TMX2: variants seen among roughly 807,000 people sequenced by gnomAD.
The protein encoded by TMX2 is thioredoxin-related transmembrane protein 2.
Under a neutral mutation model 33.4 loss-of-function variants are expected in TMX2, and 20 were observed. The observed-to-expected ratio is 0.60, with a 90% CI of 0.42 to 0.87. The LOEUF (loss-of-function observed/expected upper bound fraction) is 0.87, where lower values mean the gene tolerates loss of function less well. Among genes scored for constraint, TMX2 ranks in the 40% least tolerant of loss-of-function variants. The pLI, the probability that TMX2 is intolerant of heterozygous loss-of-function variation, is 0.00. For missense variants in TMX2, 340 were observed against 370.7 expected, an observed-to-expected ratio of 0.92 and a Z score of 0.68; for synonymous variants, 166 against 140.7, an observed-to-expected ratio of 1.18 and a Z score of -1.27.
At chr11:57,714,479 T>C (rs1946846786) in intron 1 of TMX2, among the ~76,000 whole-genome samples, 1 of 152,204 alleles carries the variant, frequency 6.6e-6, no homozygotes, top group Admixed American at 6.5e-5. Flanking sequence ...TTTTCCTAGA[T>C]TGTAGGTTGT....
chr11:57,721,747 T>C (rs1051808960), intron 1 of TMX2, among the ~76,000 whole-genome samples: 4 of 152,156 alleles, frequency 2.6e-5, no homozygotes, highest in Admixed American at 6.6e-5. Context: ...CCCCAAAATA[T>C]TTACTTTCAA....
At chr11:57,737,767 T>C in intron 2 of TMX2, 99 bp downstream of exon 2, 1 of 1,576,028 alleles carries the variant, frequency 6.3e-7, no homozygotes. Context: ...GGTAAATTTG[T>C]CCTACGTTTA....
chr11:57,726,669 A>C (rs923048990), intron 1 of TMX2, among the ~76,000 whole-genome samples: 4 of 152,172 alleles, frequency 2.6e-5, no homozygotes, highest in African/African-American at 9.7e-5. Flanking sequence ...CCCAAATACC[A>C]GTATATGGTG....
chr11:57,740,673 A>G lies in TMX2; in HGVS notation c.*428A>G. On this transcript the variant is annotated 3_prime_UTR_variant, in exon 8 of 8. Transcript: ENST00000278422. The stretch of plus-strand genomic sequence containing the variant: ...TATAGAACGCTAAGAATTTTCCCCC[A>G]AGGACTCTTGCTTCCTTAAGCCCTT... 6.3e-6 allele frequency: 1 copy of G among 159,022 alleles called. No homozygotes were observed. The highest frequency in any genetic ancestry group is 1.8e-4 in the South Asian group (1 of 5,548). The allele number at this position is 159,022 out of a possible 1,614,324, so 9.9% of individuals were successfully genotyped here.
intron 1 of TMX2, among the ~76,000 whole-genome samples, chr11:57,713,634 T>C (rs1020282229): frequency 2.6e-5 from 4 of 152,136 alleles, no homozygotes; most frequent in African/African-American, 7.2e-5. Flanking sequence ...AAAGGGCACA[T>C]TAATAGGAGA....
At position 57,717,701 on chromosome 11, in the gene TMX2, G is replaced by C. The variant is rs917979315; in HGVS notation, c.189+4894G>C. On this transcript the variant is annotated intron_variant, in intron 1 of 7. Transcript: ENST00000278422. Reference sequence around the variant, plus strand: ...ATCAGAGGGAGACCGTGGAAAGAGAGGGAGAGGGAGACCGAGAGGGAGAGG... The same window carrying C: ...ATCAGAGGGAGACCGTGGAAAGAGACGGAGAGGGAGACCGAGAGGGAGAGG... Among the ~76,000 whole-genome samples the C allele has an allele frequency of 9.4e-5, 10 of 106,028 alleles. No individual in the cohort carries two copies. In the East Asian group the frequency reaches 3.2e-3, roughly 34 times the overall value. 69.6% of individuals were successfully genotyped at this position (106,028 alleles called of 152,430 possible).
Position 57,738,032 on chromosome 11 carries a change from G to C in TMX2, c.364+6G>C. The C allele has an allele frequency of 6.4e-7, 1 of 1,570,804 alleles. No homozygotes were observed. The highest frequency in any genetic ancestry group is 8.6e-7 in the Non-Finnish European group (1 of 1,162,294). ...TTACATCACACTCTGCATAGGTGAG[G>C]AGACTGCCTTTCTTTCTTTTTTTTT... On this transcript the variant is annotated splice_donor_region_variant and intron_variant, in intron 3 of 7. Transcript: ENST00000278422.
At chr11:57,720,599 CGTTA>C (rs1177811797) in intron 1 of TMX2, among the ~76,000 whole-genome samples, 1 of 152,212 alleles carries the variant, frequency 6.6e-6, no homozygotes, top group African/African-American at 2.4e-5. Flanking sequence ...AGTTTCACCA[CGTTA>C]GTTAGGCTGA....
intron 1 of TMX2, among the ~76,000 whole-genome samples, chr11:57,717,718 AGGGAGAGGGGAGAG>A (rs1170676238): frequency 1.3e-3 from 21 of 15,702 alleles, no homozygotes; most frequent in Non-Finnish European, 1.8e-3. Flanking sequence ...GGAGACCGAG[AGGGAGAGGGGAGAG>A]GGGAGAGGGG....
At chr11:57,715,936 A>C (rs1946966102) in intron 1 of TMX2, among the ~76,000 whole-genome samples, 1 of 152,102 alleles carries the variant, frequency 6.6e-6, no homozygotes. Flanking sequence ...AGGCAGAAGA[A>C]TTTATCTTAG....
intron 1 of TMX2, among the ~76,000 whole-genome samples, chr11:57,735,426 G>C (rs1455808158): frequency 6.6e-6 from 1 of 152,000 alleles, no homozygotes; most frequent in African/African-American, 2.4e-5. Flanking sequence ...GACCAGGCTG[G>C]TCTTGAACTT....
At chr11:57,738,149 A>G (rs564756202) in intron 3 of TMX2, 123 bp downstream of exon 3, 331 of 788,934 alleles carry the variant, frequency 4.2e-4, no homozygotes, top group African/African-American at 4.0e-3. Flanking sequence ...CTTCTTCCAT[A>G]TCTCATACCT....
At chr11:57,718,940 C>T (rs1445623468) in intron 1 of TMX2, among the ~76,000 whole-genome samples, 2 of 151,348 alleles carry the variant, frequency 1.3e-5, no homozygotes, top group Admixed American at 1.3e-4. Context: ...CAGGTGTGAG[C>T]CACCGCGCCC....
At chr11:57,718,425 G>A (rs1433951470) in intron 1 of TMX2, 12 of 1,279,446 alleles carry the variant, frequency 9.4e-6, no homozygotes, top group Non-Finnish European at 1.2e-5. Flanking sequence ...CTCAGAGCAC[G>A]AAAGTTTTCT....
chr11:57,721,207 C>T (rs150214893), intron 1 of TMX2, among the ~76,000 whole-genome samples: 4 of 152,132 alleles, frequency 2.6e-5, no homozygotes, highest in Non-Finnish European at 5.9e-5. Context: ...GAGGTTGAGG[C>T]AGGAGAATTG....
rs186371105 is a variant in TMX2 at position 57,730,566 on chromosome 11, G to T, written c.190-7042G>T. 3.2e-3 allele frequency among the ~76,000 whole-genome samples: 477 copies of T among 146,986 alleles called. 3 individuals carry two copies. The highest frequency in any genetic ancestry group is 0.011 in the African/African-American group (454 of 39,666). On this transcript the variant is annotated intron_variant, in intron 1 of 7. Coordinates refer to ENST00000278422, the MANE Select transcript of TMX2 (RefSeq NM_015959.4). ...AGCCTGGCCAACATGGCAAAACTCC[G>T]TCTCTACTAAAAATACAAAAATTAG...
intron 1 of TMX2, among the ~76,000 whole-genome samples, chr11:57,724,171 C>T (rs1444445751): frequency 6.6e-6 from 1 of 151,820 alleles, no homozygotes; most frequent in Non-Finnish European, 1.5e-5. Flanking sequence ...AATGCAGGAC[C>T]CAGAACTCAT....
In TMX2 at chr11:57,737,781, C is replaced by A. The variant is rs772829904; in HGVS notation, c.250+113C>A. The A allele has an allele frequency of 1.9e-6, 3 of 1,587,414 alleles. No homozygotes were observed. In the East Asian group the frequency reaches 6.7e-5, roughly 36 times the overall value. On this transcript the variant is annotated intron_variant, in intron 2 of 7. Coordinates refer to ENST00000278422, the MANE Select transcript of TMX2 (RefSeq NM_015959.4). ...TGGTAAATTTGTCCTACGTTTAATT[C>A]CAAGGCTGAATTTGAACTTGGACTT...
intron 1 of TMX2, among the ~76,000 whole-genome samples, chr11:57,726,286 G>A (rs921369458): frequency 6.6e-6 from 1 of 151,844 alleles, no homozygotes; most frequent in East Asian, 1.9e-4. Flanking sequence ...GGTGGCATGC[G>A]CCTGTAGTCC....
Sources: allele counts gnomAD v4.1 joint callset (sites outside exome capture counted in the v4.1 genomes callset), GRCh38; gene constraint gnomAD v4.1.1; transcripts MANE v1.5; gene names NCBI Gene and HGNC (gene_info 2026-07-23, HGNC 2026-07-21).